Variants in GUCY1A2 observed in about 807,000 individuals in gnomAD.
GUCY1A2 encodes the protein guanylate cyclase 1 soluble subunit alpha 2.
In GUCY1A2, 27 loss-of-function variants were observed where a neutral mutation model predicts 63.5. The ratio of observed to expected loss-of-function variants is 0.43; its 90% CI spans 0.31 to 0.59. GUCY1A2 has a LOEUF of 0.59. Among genes scored for constraint, GUCY1A2 ranks in the 20% least tolerant of loss-of-function variants. The pLI, the probability that GUCY1A2 is intolerant of heterozygous loss-of-function variation, is 0.11. For synonymous variants in GUCY1A2, 364 were observed against 343.5 expected (o/e 1.06, Z -0.66); for missense variants, 768 against 913.3 (o/e 0.84, Z 2.05).
intron 5 of GUCY1A2, among the ~76,000 whole-genome samples, chr11:106,807,676 G>T (rs1400847611): frequency 6.6e-6 from 1 of 152,188 alleles, no homozygotes; most frequent in South Asian, 2.1e-4. Flanking sequence ...TGAGGGTGTT[G>T]CCAAAGGAGA....
intron 4 of GUCY1A2, among the ~76,000 whole-genome samples, chr11:106,896,786 A>G (rs183649830): frequency 1.3e-5 from 2 of 152,330 alleles, no homozygotes; most frequent in South Asian, 2.1e-4. Flanking sequence ...TTGATCTTGA[A>G]TTTCCCAGCC....
chr11:106,935,135 C>A (rs1437539426), intron 4 of GUCY1A2, among the ~76,000 whole-genome samples: 4 of 152,084 alleles, frequency 2.6e-5, no homozygotes, highest in Non-Finnish European at 5.9e-5. Flanking sequence ...ATTAAGGAGA[C>A]AAGCAGCAGG....
chr11:106,830,497 G>T (rs1000832752), intron 4 of GUCY1A2, among the ~76,000 whole-genome samples: 8 of 152,170 alleles, frequency 5.3e-5, no homozygotes, highest in African/African-American at 1.9e-4. Flanking sequence ...CCTCAATCCG[G>T]GTGGGCACCA....
chr11:106,747,386 A>G (rs1863809013), intron 6 of GUCY1A2, among the ~76,000 whole-genome samples: 1 of 152,256 alleles, frequency 6.6e-6, no homozygotes, highest in Non-Finnish European at 1.5e-5. Flanking sequence ...CACTTTGCGA[A>G]AGTTACTTTA....
At chr11:106,918,685 C>A (rs1165511390) in intron 4 of GUCY1A2, among the ~76,000 whole-genome samples, 2 of 145,450 alleles carry the variant, frequency 1.4e-5, no homozygotes, top group African/African-American at 4.9e-5. Flanking sequence ...ATCACTTACC[C>A]AGGCAAACAA....
At position 106,840,057 on chromosome 11, in the gene GUCY1A2, C is replaced by T. The variant is rs111537287; in HGVS notation, c.1207-29579G>A. On this transcript the variant is annotated intron_variant, in intron 4 of 7. Transcript: ENST00000526355. ...CTGTAAAATAATTTAACATGAGCCA[C>T]TGAATCCATAAAGTTTGAAAATATG... Among the ~76,000 whole-genome samples the T allele has an allele frequency of 1.3e-3, 202 of 152,026 alleles. 1 individual carries two copies. The highest frequency in any genetic ancestry group is 4.6e-3 in the African/African-American group (189 of 41,510).
rs201159944 is a variant in GUCY1A2 at position 106,981,759 on chromosome 11, G to A, written c.366-3019C>T. On this transcript the variant is annotated intron_variant, in intron 2 of 7. Coordinates refer to ENST00000526355, the MANE Select transcript of GUCY1A2 (RefSeq NM_000855.3). The stretch of plus-strand genomic sequence containing the variant: ...TTCAGTCAAAAAAAAAAAAATCAAC[G>A]AAAAAGATGTTCTCTGTGAGAAGAA... 4.0e-5 allele frequency among the ~76,000 whole-genome samples: 6 copies of A among 151,422 alleles called. No homozygotes were observed. In the East Asian group the frequency reaches 1.2e-3, roughly 29 times the overall value.
At chr11:106,949,097 T>C (rs2120013926) in intron 3 of GUCY1A2, among the ~76,000 whole-genome samples, 1 of 152,334 alleles carries the variant, frequency 6.6e-6, no homozygotes, top group African/African-American at 2.4e-5. Context: ...ATTGTGTGTG[T>C]GTGTTGTGTG....
At chr11:106,865,888 T>C (rs1379644693) in intron 4 of GUCY1A2, among the ~76,000 whole-genome samples, 2 of 151,356 alleles carry the variant, frequency 1.3e-5, no homozygotes, top group Non-Finnish European at 2.9e-5. Context: ...AATTATTATA[T>C]AATTTATATA....
intron 4 of GUCY1A2, chr11:106,936,834 T>A: frequency 1.8e-6 from 1 of 547,946 alleles, no homozygotes; most frequent in East Asian, 2.9e-5. Flanking sequence ...TATTTTAAAA[T>A]AGCATTTTCT....
rs1265728874 is a variant in GUCY1A2 at position 107,007,901 on chromosome 11, T to C, written c.303+9852A>G. 3.6e-3 allele frequency among the ~76,000 whole-genome samples: 519 copies of C among 143,634 alleles called. 33 individuals are homozygous for C. In the East Asian group the frequency reaches 0.042, roughly 12 times the overall value. The allele number at this position is 143,634 out of a possible 152,430, so 94.2% of individuals were successfully genotyped here. ...GTCCCTCTAGCTTACAGATACACATTTCTTTAGGAGATAATATAGACACCC... is the reference window on the plus strand; with the variant it reads ...GTCCCTCTAGCTTACAGATACACATCTCTTTAGGAGATAATATAGACACCC... On this transcript the variant is annotated intron_variant, in intron 1 of 7. Transcript: ENST00000526355.
At chr11:106,961,403 G>C (rs1179415518) in intron 3 of GUCY1A2, among the ~76,000 whole-genome samples, 1 of 152,094 alleles carries the variant, frequency 6.6e-6, no homozygotes, top group Non-Finnish European at 1.5e-5. Context: ...AAAGATGTCT[G>C]AATGTGGATC....
At chr11:106,965,444 T>C (rs1861115482) in intron 3 of GUCY1A2, among the ~76,000 whole-genome samples, 3 of 152,212 alleles carry the variant, frequency 2.0e-5, no homozygotes, top group African/African-American at 4.8e-5. Context: ...CTTATGTATA[T>C]AGGCATATAT....
intron 4 of GUCY1A2, among the ~76,000 whole-genome samples, chr11:106,811,418 C>G (rs998630499): frequency 2.6e-5 from 4 of 152,050 alleles, no homozygotes; most frequent in Admixed American, 6.6e-5. Context: ...AAGCCAGTTG[C>G]AATTACTTAG....
At chr11:106,776,938 C>CA (rs1864367723) in intron 5 of GUCY1A2, among the ~76,000 whole-genome samples, 1 of 152,186 alleles carries the variant, frequency 6.6e-6, no homozygotes, top group Non-Finnish European at 1.5e-5. Flanking sequence ...TTCCAACTTT[C>CA]AAGTATTCCT....
chr11:106,899,225 AC>A (rs1860092662), intron 4 of GUCY1A2, among the ~76,000 whole-genome samples: 1 of 152,200 alleles, frequency 6.6e-6, no homozygotes, highest in Non-Finnish European at 1.5e-5. Flanking sequence ...CAAACAAAAA[AC>A]ACGATAGTGA....
rs1862427268 is a variant in GUCY1A2, at chr11:106,681,236, G to A, written c.*6313C>T. On this transcript the variant is annotated 3_prime_UTR_variant, in exon 8 of 8. Transcript: ENST00000526355. The stretch of plus-strand genomic sequence containing the variant: ...ACTATCATACTTACCAAAAACTTGT[G>A]TAGCTATCATTGAAAACAGTAATAA... 1 of 219,760 alleles carries A rather than the reference G, an allele frequency of 4.6e-6. No individual in the cohort carries two copies. The highest frequency in any genetic ancestry group is 1.8e-4 in the South Asian group (1 of 5,408). The allele number at this position is 219,760 out of a possible 1,614,324, so 13.6% of individuals were successfully genotyped here. A position where few individuals can be genotyped will look rare whatever the true frequency, so the allele number is the denominator to read the frequency against.
At chr11:106,704,903 G>A (rs75600310) in intron 7 of GUCY1A2, among the ~76,000 whole-genome samples, 1,906 of 150,234 alleles carry the variant, frequency 0.013, 39 homozygotes, top group African/African-American at 0.045. Context: ...TATATTATAT[G>A]CACTATTTAA....
chr11:106,946,153 G>C (rs1242074765), intron 3 of GUCY1A2, among the ~76,000 whole-genome samples: 1 of 152,046 alleles, frequency 6.6e-6, no homozygotes, highest in East Asian at 1.9e-4. Flanking sequence ...TCTTCTTAAG[G>C]GGATTTGGGG....
Sources: gnomAD v4.1 joint callset for allele counts (sites outside exome capture counted in the v4.1 genomes callset) on GRCh38, gnomAD v4.1.1 for gene constraint, MANE v1.5 for transcripts, NCBI Gene and HGNC (gene_info 2026-07-23, HGNC 2026-07-21) for gene names.